Variants in SAMD5 observed in about 807,000 individuals in gnomAD.
The protein encoded by SAMD5 is sterile alpha motif domain-containing protein 5.
In SAMD5, 13 loss-of-function variants were observed where a neutral mutation model predicts 11.3. The ratio of observed to expected loss-of-function variants is 1.15; its 90% CI spans 0.75 to 1.83. The LOEUF is 1.83. Ranked by LOEUF, SAMD5 falls within the 40% of genes most tolerant of loss-of-function variation. SAMD5 has a pLI of 0.00. For synonymous variants in SAMD5, 129 were observed against 111.3 expected (o/e 1.16, Z -1.00); for missense variants, 255 against 239.1 (o/e 1.07, Z -0.44).
chr6:147,720,336 T>A (rs575847944), intron 1 of SAMD5, among the ~76,000 whole-genome samples: 1 of 151,884 alleles, frequency 6.6e-6, no homozygotes, highest in African/African-American at 2.4e-5. Context: ...GATGGCGGGC[T>A]CCTGTAGTCC....
intron 1 of SAMD5, among the ~76,000 whole-genome samples, chr6:147,590,251 T>C (rs534526051): frequency 6.6e-6 from 1 of 152,242 alleles, no homozygotes; most frequent in Admixed American, 6.5e-5. Flanking sequence ...TGTATTTATC[T>C]CTTAAAGGCC....
the SAMD5 span, among the ~76,000 whole-genome samples, chr6:147,930,456 T>C: frequency 6.6e-6 from 1 of 152,202 alleles, no homozygotes; most frequent in South Asian, 2.1e-4. Context: ...AGGAAACATA[T>C]TGGTTTCCTG....
chr6:147,704,107 G>A (rs1791293747), intron 1 of SAMD5, among the ~76,000 whole-genome samples: 2 of 152,038 alleles, frequency 1.3e-5, no homozygotes, highest in Admixed American at 1.3e-4. Context: ...GTGTTAGCCA[G>A]GATGGTCTCG....
chr6:147,851,581 G>T, the SAMD5 span, among the ~76,000 whole-genome samples: 13 of 152,132 alleles, frequency 8.5e-5, no homozygotes, highest in Non-Finnish European at 1.8e-4. Flanking sequence ...GTCATGTTCT[G>T]CCTCCTTAGC....
At chr6:147,948,214 G>A in the SAMD5 span, among the ~76,000 whole-genome samples, 90 of 150,502 alleles carry the variant, frequency 6.0e-4, 3 homozygotes, top group South Asian at 0.013. Flanking sequence ...TGTTGATACC[G>A]AGATTTTTTC....
At chr6:147,676,712 A>T (rs1294535962) in intron 1 of SAMD5, among the ~76,000 whole-genome samples, 9 of 152,068 alleles carry the variant, frequency 5.9e-5, no homozygotes, top group Admixed American at 3.9e-4. Context: ...TCAAAGAGAA[A>T]GTAACATTTA....
At chr6:147,774,949 T>C in the SAMD5 span, among the ~76,000 whole-genome samples, 1 of 152,126 alleles carries the variant, frequency 6.6e-6, no homozygotes, top group Non-Finnish European at 1.5e-5. Flanking sequence ...ACAATTCCTT[T>C]CATTTACTTA....
the SAMD5 span, among the ~76,000 whole-genome samples, chr6:147,785,488 T>C: frequency 6.6e-6 from 1 of 152,168 alleles, no homozygotes; most frequent in Non-Finnish European, 1.5e-5. Context: ...CTCAAAGTCC[T>C]GGCCACACCA....
the SAMD5 span, among the ~76,000 whole-genome samples, chr6:147,930,147 G>A: frequency 6.6e-6 from 1 of 152,162 alleles, no homozygotes; most frequent in African/African-American, 2.4e-5. Context: ...CAAGTACTTT[G>A]CTATGCCTAG....
At chr6:147,645,794 C>T (rs1204300176) in intron 1 of SAMD5, among the ~76,000 whole-genome samples, 1 of 152,084 alleles carries the variant, frequency 6.6e-6, no homozygotes, top group Non-Finnish European at 1.5e-5. Flanking sequence ...AAATACAGAC[C>T]CAGTGCTATC....
At chr6:147,915,698 CT>C in the SAMD5 span, among the ~76,000 whole-genome samples, 1 of 152,120 alleles carries the variant, frequency 6.6e-6, no homozygotes, top group African/African-American at 2.4e-5. Flanking sequence ...TGAAGATTCT[CT>C]TTTTTCAAAG....
At chr6:147,840,582 T>G in the SAMD5 span, among the ~76,000 whole-genome samples, 2 of 152,142 alleles carry the variant, frequency 1.3e-5, no homozygotes, top group Non-Finnish European at 2.9e-5. Flanking sequence ...ACATTTATAA[T>G]AAAAAAGCAC....
chr6:147,715,739 C>G (rs1433355094), intron 1 of SAMD5, among the ~76,000 whole-genome samples: 3 of 152,172 alleles, frequency 2.0e-5, no homozygotes, highest in Non-Finnish European at 4.4e-5. Flanking sequence ...CTTTACTGAG[C>G]AACAGAACAG....
At chr6:147,597,127 C>T (rs1789543729) in intron 1 of SAMD5, among the ~76,000 whole-genome samples, 1 of 152,152 alleles carries the variant, frequency 6.6e-6, no homozygotes, top group Admixed American at 6.6e-5. Context: ...GGATATTTAT[C>T]ATACAGACGG....
At chr6:147,656,116 G>A (rs1790562817) in intron 1 of SAMD5, among the ~76,000 whole-genome samples, 1 of 152,096 alleles carries the variant, frequency 6.6e-6, no homozygotes, top group Non-Finnish European at 1.5e-5. Context: ...ATGGTGTTGG[G>A]ACAACTGGAA....
chr6:147,568,234 C>A lies in SAMD5; in HGVS notation c.*3778C>A, dbSNP rs1789075512. On this transcript the variant is annotated 3_prime_UTR_variant, in exon 2 of 2. Transcript: ENST00000367474. ...AAACTCTTTTCTATGAAAAGAAAAA[C>A]CAGATATACCAGGGACTGGAAAGCA... 2.0e-6 allele frequency: 2 copies of A among 985,168 alleles called. No homozygotes were observed. Among genetic ancestry groups the A allele is most frequent in the East Asian group, 1.1e-4 (1 of 8,818 alleles). The allele number at this position is 985,168 out of a possible 1,614,324, so 61.0% of individuals were successfully genotyped here.
the SAMD5 span, among the ~76,000 whole-genome samples, chr6:147,895,206 T>C: frequency 6.6e-6 from 1 of 152,188 alleles, no homozygotes; most frequent in Admixed American, 6.5e-5. Context: ...TGTATTGTCA[T>C]TTAGAGGTGA....
chr6:147,933,529 C>T, the SAMD5 span, among the ~76,000 whole-genome samples: 1 of 152,128 alleles, frequency 6.6e-6, no homozygotes. Context: ...TCTTTCTTTG[C>T]TGTATAACCT....
At chr6:147,940,671 G>A in the SAMD5 span, among the ~76,000 whole-genome samples, 128 of 152,262 alleles carry the variant, frequency 8.4e-4, no homozygotes, top group African/African-American at 2.6e-3. Flanking sequence ...TGGTTCAAAA[G>A]TGTCTGGCAG....
Sources: gnomAD v4.1 joint callset for allele counts (sites outside exome capture counted in the v4.1 genomes callset) on GRCh38, gnomAD v4.1.1 for gene constraint, MANE v1.5 for transcripts, NCBI Gene and HGNC (gene_info 2026-07-23, HGNC 2026-07-21) for gene names.